The following VSTM2B variants were observed in gnomAD, a reference collection of about 807,000 sequenced individuals.
The protein encoded by VSTM2B is V-set and transmembrane domain containing 2B, also known as V-set and transmembrane domain-containing protein 2B.
In VSTM2B, 24 loss-of-function variants were observed where a neutral mutation model predicts 24.0. The observed-to-expected ratio is 1.00, with a 90% CI of 0.72 to 1.40. The LOEUF is 1.40. Ranked by LOEUF, VSTM2B falls within the 40% of genes most tolerant of loss-of-function variation. The pLI, the probability that VSTM2B is intolerant of heterozygous loss-of-function variation, is 0.00. For synonymous variants in VSTM2B, 226 were observed against 194.4 expected, an observed-to-expected ratio of 1.16 and a Z score of -1.35; for missense variants, 399 against 416.4, an observed-to-expected ratio of 0.96 and a Z score of 0.36.
At chr19:29,536,739 G>A (rs1285849996) in intron 4 of VSTM2B, among the ~76,000 whole-genome samples, 2 of 152,088 alleles carry the variant, frequency 1.3e-5, no homozygotes, top group African/African-American at 4.8e-5. Flanking sequence ...GAAAAGAGCT[G>A]GAAGCCAGCC....
upstream of VSTM2B, chr19:29,525,873 G>C (rs1568434416): frequency 1.3e-5 from 2 of 151,260 alleles, no homozygotes; most frequent in Non-Finnish European, 3.0e-5. Context: ...GGAGCGCTCT[G>C]GGGCGGGGGC....
At chr19:29,527,519 C>T (rs917838862) in intron 2 of VSTM2B, 124 bp downstream of exon 2, 3 of 837,730 alleles carry the variant, frequency 3.6e-6, no homozygotes, top group African/African-American at 3.7e-5. Flanking sequence ...CGCAGCCCAT[C>T]TTCCACCTTC....
chr19:29,555,281 A>G (rs558903268), intron 4 of VSTM2B, among the ~76,000 whole-genome samples: 15 of 152,206 alleles, frequency 9.9e-5, no homozygotes, highest in Non-Finnish European at 1.8e-4. Flanking sequence ...CCATATGAAA[A>G]TGGAACAACT....
rs1970588843 is a variant in VSTM2B at position 29,563,883 on chromosome 19, C to T, written c.807C>T (p.Ser269=). 1 of 1,552,304 alleles carries T rather than the reference C, an allele frequency of 6.4e-7. No homozygotes were observed. The highest frequency in any genetic ancestry group is 8.7e-7 in the Non-Finnish European group (1 of 1,147,116). ...GRSYTTDPLL[S]LLLLALHKFL... ...GCTACACCACAGACCCACTCTTGTCCCTGCTCCTGTTAGCTCTGCATAAGT... is the reference window on the plus strand; with the variant it reads ...GCTACACCACAGACCCACTCTTGTCTCTGCTCCTGTTAGCTCTGCATAAGT... The change falls in exon 5 of 5, where the codon TCC becomes TCT. Residue 269 remains serine (S), a synonymous_variant. Transcript: ENST00000335523.
chr19:29,563,482 A>G (rs1048612296), intron 4 of VSTM2B, among the ~76,000 whole-genome samples: 1 of 151,988 alleles, frequency 6.6e-6, no homozygotes, highest in Non-Finnish European at 1.5e-5. Context: ...GGCTCAAGTG[A>G]TCCTCCAGCC....
At chr19:29,547,532 C>T (rs1047590993) in intron 4 of VSTM2B, among the ~76,000 whole-genome samples, 3 of 152,186 alleles carry the variant, frequency 2.0e-5, no homozygotes, top group Non-Finnish European at 4.4e-5. Flanking sequence ...CAACACCAGG[C>T]AATTGCCATG....
intron 4 of VSTM2B, among the ~76,000 whole-genome samples, chr19:29,563,372 CA>C (rs1970579196): frequency 6.6e-6 from 1 of 151,846 alleles, no homozygotes; most frequent in South Asian, 2.1e-4. Flanking sequence ...GCCTTCTGAG[CA>C]GCTGGGAATA....
At chr19:29,545,332 G>C (rs1970127056) in intron 4 of VSTM2B, among the ~76,000 whole-genome samples, 1 of 152,182 alleles carries the variant, frequency 6.6e-6, no homozygotes, top group Non-Finnish European at 1.5e-5. Flanking sequence ...AGTACTCTGG[G>C]TCGGGCACGG....
At chr19:29,552,353 T>A (rs1017250727) in intron 4 of VSTM2B, among the ~76,000 whole-genome samples, 3 of 152,238 alleles carry the variant, frequency 2.0e-5, no homozygotes, top group Non-Finnish European at 4.4e-5. Context: ...GGTTGAGGAA[T>A]CCTGCATAGG....
At chr19:29,539,515 G>A (rs1388182052) in intron 4 of VSTM2B, among the ~76,000 whole-genome samples, 4 of 152,164 alleles carry the variant, frequency 2.6e-5, no homozygotes, top group Admixed American at 6.5e-5. Flanking sequence ...CATCACTGGG[G>A]CCTTTACAGA....
At chr19:29,544,868 C>T (rs1425508165) in intron 4 of VSTM2B, among the ~76,000 whole-genome samples, 4 of 152,204 alleles carry the variant, frequency 2.6e-5, no homozygotes, top group African/African-American at 4.8e-5. Flanking sequence ...GAAAGACTTT[C>T]ATTCATGCAT....
intron 4 of VSTM2B, among the ~76,000 whole-genome samples, chr19:29,561,694 G>A (rs1391348506): frequency 6.6e-6 from 1 of 152,202 alleles, no homozygotes; most frequent in Non-Finnish European, 1.5e-5. Context: ...GGCTGTGGGT[G>A]AAGTACCCAG....
At chr19:29,538,481 C>G (rs181035493) in intron 4 of VSTM2B, among the ~76,000 whole-genome samples, 1 of 152,200 alleles carries the variant, frequency 6.6e-6, no homozygotes, top group Admixed American at 6.5e-5. Flanking sequence ...CTGAGACTTC[C>G]TTCATGAGAC....
chr19:29,528,599 G>A, intron 3 of VSTM2B, 137 bp downstream of exon 3: 2 of 1,112,620 alleles, frequency 1.8e-6, no homozygotes, highest in Non-Finnish European at 2.6e-6. Context: ...GCCTTGCATC[G>A]GTGGCTGCTC....
intron 4 of VSTM2B, among the ~76,000 whole-genome samples, chr19:29,561,612 C>T (rs1011060323): frequency 1.3e-5 from 2 of 152,152 alleles, no homozygotes; most frequent in Non-Finnish European, 2.9e-5. Context: ...GCAACAAGAG[C>T]GCAACTCCAT....
At chr19:29,546,670 G>GCCCCCCCCCCCCCCCCCC (rs201235419) in intron 4 of VSTM2B, among the ~76,000 whole-genome samples, 1 of 150,320 alleles carries the variant, frequency 6.7e-6, no homozygotes, top group African/African-American at 2.5e-5. Flanking sequence ...CCGCTGGGGA[G>GCCCCCCCCCCCCCCCCCC]CCCCCACCCC....
intron 4 of VSTM2B, among the ~76,000 whole-genome samples, chr19:29,542,776 G>T (rs1233835887): frequency 6.6e-6 from 1 of 152,170 alleles, no homozygotes; most frequent in African/African-American, 2.4e-5. Flanking sequence ...GTTGAGGCTT[G>T]CAGGATGGGT....
At chr19:29,528,579 A>G (rs1191449778) in intron 3 of VSTM2B, 117 bp downstream of exon 3, 1 of 1,273,722 alleles carries the variant, frequency 7.9e-7, no homozygotes, top group Non-Finnish European at 1.1e-6. Context: ...CAAGTAGGGC[A>G]GCGATCGCAG....
chr19:29,545,696 A>G (rs1490458047), intron 4 of VSTM2B, among the ~76,000 whole-genome samples: 1 of 152,124 alleles, frequency 6.6e-6, no homozygotes, highest in African/African-American at 2.4e-5. Context: ...ATTCCATGGT[A>G]TGTATGCATC....
Sources: gnomAD v4.1 joint callset for allele counts (sites outside exome capture counted in the v4.1 genomes callset) on GRCh38, gnomAD v4.1.1 for gene constraint, MANE v1.5 for transcripts, NCBI Gene and HGNC (gene_info 2026-07-23, HGNC 2026-07-21) for gene names.